GRHL2: variants seen among roughly 807,000 people sequenced by gnomAD.
GRHL2 encodes the protein grainyhead like transcription factor 2.
Under a neutral mutation model 83.8 loss-of-function variants are expected in GRHL2, and 21 were observed. That is an observed-to-expected ratio of 0.25 (90% CI 0.18 to 0.36). The LOEUF is 0.36. Ranked by LOEUF, GRHL2 falls within the 10% of genes least tolerant of loss-of-function variation. The pLI, the probability that GRHL2 is intolerant of heterozygous loss-of-function variation, is 1.00. For synonymous variants in GRHL2, 280 were observed against 278.9 expected (o/e 1.00, Z -0.04); for missense variants, 623 against 781.8 (o/e 0.80, Z 2.42).
intron 1 of GRHL2, among the ~76,000 whole-genome samples, chr8:101,532,459 G>A (rs1348273424): frequency 6.6e-6 from 1 of 152,068 alleles, no homozygotes; most frequent in Admixed American, 6.6e-5. Flanking sequence ...ACTATTTAGA[G>A]AGTAGAATTC....
intron 14 of GRHL2, 146 bp downstream of exon 14, chr8:101,649,645 A>G: frequency 1.4e-6 from 1 of 710,464 alleles, no homozygotes; most frequent in Non-Finnish European, 2.6e-6. Context: ...GGAGGCATTG[A>G]TCTCGCTACT....
At chr8:101,513,989 C>T (rs1188988716) in intron 1 of GRHL2, among the ~76,000 whole-genome samples, 2 of 152,164 alleles carry the variant, frequency 1.3e-5, no homozygotes, top group Non-Finnish European at 2.9e-5. Flanking sequence ...CCGAGGCTTT[C>T]ACACTAAGGC....
At chr8:101,520,186 C>G (rs116407991) in intron 1 of GRHL2, among the ~76,000 whole-genome samples, 361 of 152,298 alleles carry the variant, frequency 2.4e-3, no homozygotes, top group African/African-American at 8.4e-3. Flanking sequence ...ATTCTCTTAG[C>G]TTTAAAGACA....
chr8:101,650,091 T>A (rs567529341), intron 14 of GRHL2, among the ~76,000 whole-genome samples: 1 of 152,256 alleles, frequency 6.6e-6, no homozygotes, highest in East Asian at 1.9e-4. Context: ...TCCCAACTGC[T>A]CCCCCACTGG....
At chr8:101,622,222 A>G (rs1253444404) in intron 9 of GRHL2, among the ~76,000 whole-genome samples, 5 of 152,234 alleles carry the variant, frequency 3.3e-5, no homozygotes, top group Non-Finnish European at 7.3e-5. Context: ...AGACAATGAT[A>G]TTTAAGGTAA....
intron 8 of GRHL2, among the ~76,000 whole-genome samples, chr8:101,604,434 A>C (rs908232328): frequency 6.6e-6 from 1 of 151,806 alleles, no homozygotes; most frequent in African/African-American, 2.4e-5. Context: ...TGGGCCCCTT[A>C]TTTTTGTCCA....
intron 8 of GRHL2, among the ~76,000 whole-genome samples, chr8:101,602,976 G>GCCAGACACTGATTT (rs1812549633): frequency 6.6e-6 from 1 of 152,198 alleles, no homozygotes; most frequent in Non-Finnish European, 1.5e-5. Flanking sequence ...GTGGCAGCAG[G>GCCAGACACTGATTT]CCAGACACTG....
At chr8:101,529,803 C>G (rs183874578) in intron 1 of GRHL2, among the ~76,000 whole-genome samples, 1 of 152,286 alleles carries the variant, frequency 6.6e-6, no homozygotes, top group Non-Finnish European at 1.5e-5. Context: ...GGGGGCCGCT[C>G]TCTTGATGGA....
At chr8:101,613,740 T>C (rs1255796849) in intron 8 of GRHL2, among the ~76,000 whole-genome samples, 2 of 150,998 alleles carry the variant, frequency 1.3e-5, no homozygotes, top group Non-Finnish European at 2.9e-5. Flanking sequence ...TATATAGTTA[T>C]ATATTGTTTG....
At position 101,616,098 on chromosome 8, in the gene GRHL2, CTTCT is replaced by C. The variant is rs371687679; in HGVS notation, c.1099-3427_1099-3424del. Among the ~76,000 whole-genome samples, 390 of 130,506 alleles carry C rather than the reference CTTCT, an allele frequency of 3.0e-3. 5 individuals are homozygous for C. The highest frequency in any genetic ancestry group is 8.2e-3 in the African/African-American group (289 of 35,396). 85.6% of individuals were successfully genotyped at this position (130,506 alleles called of 152,430 possible). A position where few individuals can be genotyped will look rare whatever the true frequency, so the allele number is the denominator to read the frequency against. ...TCCCTCCCTCCCTTTCTCTTTCTTT[CTTCT>C]TTCTTTCTTTCTTCCTCTTTCTTTC... On this transcript the variant is annotated intron_variant, in intron 8 of 15. Transcript: ENST00000646743.
At chr8:101,499,991 G>A (rs1387888931) in intron 1 of GRHL2, among the ~76,000 whole-genome samples, 6 of 152,024 alleles carry the variant, frequency 3.9e-5, no homozygotes, top group Admixed American at 1.3e-4. Flanking sequence ...CAGGAGAATC[G>A]CTTGAACACA....
intron 14 of GRHL2, among the ~76,000 whole-genome samples, chr8:101,653,907 G>A (rs189962217): frequency 1.7e-3 from 252 of 152,294 alleles, no homozygotes; most frequent in Non-Finnish European, 2.7e-3. Context: ...CCTTGGCGGG[G>A]AACTGGTATT....
intron 13 of GRHL2, among the ~76,000 whole-genome samples, chr8:101,645,842 G>C (rs1034353593): frequency 2.6e-5 from 4 of 152,160 alleles, no homozygotes; most frequent in Admixed American, 2.0e-4. Context: ...TAAATGCTAC[G>C]TTAGAAACAT....
In GRHL2 at chr8:101,666,641, A is replaced by C; in HGVS notation, c.1816A>C (p.Thr606Pro). Residue 606 changes from threonine (T) to proline (P), a missense_variant, in exon 16 of 16, where the codon ACC becomes CCC. Around this residue, in one of 8 missense-constraint regions of GRHL2, gnomAD observed 210 missense variants for 254.8 expected, o/e 0.82. Coordinates refer to ENST00000646743, the MANE Select transcript of GRHL2 (RefSeq NM_024915.4). ...CATCGAGCACTACTCGAACGAGGAC[A>C]CCTTCATCCTCAACATGGAGAGCAT... is the stretch of plus-strand genomic sequence containing the variant. ...NIIEHYSNED[T>P]FILNMESMVE... 6.2e-7 allele frequency: 1 copy of C among 1,613,676 alleles called. No individual in the cohort carries two copies. Among genetic ancestry groups the C allele is most frequent in the Non-Finnish European group, 8.5e-7 (1 of 1,179,642 alleles).
chr8:101,534,068 G>C (rs1409501591), intron 1 of GRHL2, among the ~76,000 whole-genome samples: 1 of 152,158 alleles, frequency 6.6e-6, no homozygotes, highest in Non-Finnish European at 1.5e-5. Flanking sequence ...GGAAAGGAGG[G>C]AGCGGGTAAT....
intron 14 of GRHL2, among the ~76,000 whole-genome samples, chr8:101,652,620 G>GGTGTT (rs1398499692): frequency 7.5e-6 from 1 of 134,106 alleles, no homozygotes; most frequent in Non-Finnish European, 1.6e-5. Flanking sequence ...TGTGGTGTGT[G>GGTGTT]TGTGTGTGTA....
chr8:101,640,389 T>A (rs966995218), intron 12 of GRHL2, among the ~76,000 whole-genome samples: 1 of 151,858 alleles, frequency 6.6e-6, no homozygotes, highest in Non-Finnish European at 1.5e-5. Flanking sequence ...AATTGAGAAA[T>A]GGAAGAGAGG....
intron 7 of GRHL2, among the ~76,000 whole-genome samples, chr8:101,580,461 C>T (rs1005766806): frequency 6.6e-6 from 1 of 152,184 alleles, no homozygotes; most frequent in African/African-American, 2.4e-5. Flanking sequence ...CCTCCCTCCC[C>T]GTCACTCTTC....
intron 8 of GRHL2, among the ~76,000 whole-genome samples, chr8:101,603,492 GA>G (rs1443287158): frequency 6.6e-6 from 1 of 151,896 alleles, no homozygotes; most frequent in Non-Finnish European, 1.5e-5. Context: ...AGCATGAACA[GA>G]AAAAAAGGAA....
Sources: allele counts gnomAD v4.1 joint callset (sites outside exome capture counted in the v4.1 genomes callset), GRCh38; gene constraint gnomAD v4.1.1; regional missense constraint gnomAD v4.1.1; transcripts MANE v1.5; gene names NCBI Gene and HGNC (gene_info 2026-07-23, HGNC 2026-07-21).